PRORP: variants seen among roughly 807,000 people sequenced by gnomAD.
PRORP encodes mitochondrial ribonuclease P catalytic subunit.
Under a neutral mutation model 59.4 loss-of-function variants are expected in PRORP, and 51 were observed. The ratio of observed to expected loss-of-function variants is 0.86; its 90% CI spans 0.69 to 1.08. The LOEUF is 1.08. PRORP is among the 50% of genes least tolerant of loss of function. The pLI, the probability that PRORP is intolerant of heterozygous loss-of-function variation, is 0.00. For synonymous variants in PRORP, 231 were observed against 245.6 expected (o/e 0.94, Z 0.55); for missense variants, 646 against 690.3 (o/e 0.94, Z 0.72).
At chr14:35,124,411 G>T in intron 2 of PRORP, 180 bp downstream of exon 2, 1 of 382,902 alleles carries the variant, frequency 2.6e-6, no homozygotes, top group Non-Finnish European at 4.6e-6. Flanking sequence ...AAAACCACAG[G>T]CATGTGCCAC....
chr14:35,158,858 G>A (rs1202383148), intron 4 of PRORP: 1 of 306,148 alleles, frequency 3.3e-6, no homozygotes, highest in Non-Finnish European at 6.4e-6. Context: ...GGATATTCTG[G>A]AGAATGCAAA....
chr14:35,124,871 CT>C lies in PRORP; in HGVS notation c.986+654del, dbSNP rs576855221. On this transcript the variant is annotated intron_variant, in intron 2 of 7. Transcript: ENST00000534898. ...TATATTTATTCTGTCTACTCTCTCC[CT>C]TTTTTTTTTTTTTGAGACGGAGTTT... is the stretch of plus-strand genomic sequence containing the variant. 4.4e-3 allele frequency among the ~76,000 whole-genome samples: 606 copies of C among 139,204 alleles called. 2 individuals are homozygous for C. The highest frequency in any genetic ancestry group is 0.016 in the South Asian group (70 of 4,308). 91.3% of individuals were successfully genotyped at this position (139,204 alleles called of 152,430 possible). A position where few individuals can be genotyped will look rare whatever the true frequency, so the allele number is the denominator to read the frequency against.
At chr14:35,232,606 C>T (rs552269802) in intron 5 of PRORP, among the ~76,000 whole-genome samples, 1 of 152,118 alleles carries the variant, frequency 6.6e-6, no homozygotes, top group South Asian at 2.1e-4. Flanking sequence ...TTTGCTTGGC[C>T]CATAGTAAGT....
At chr14:35,193,244 T>C (rs1208216946) in intron 5 of PRORP, among the ~76,000 whole-genome samples, 2 of 152,184 alleles carry the variant, frequency 1.3e-5, no homozygotes, top group South Asian at 4.1e-4. Context: ...AACTGAGAAT[T>C]GGTTAAAATG....
At chr14:35,155,539 T>C (rs1282337254) in intron 4 of PRORP, among the ~76,000 whole-genome samples, 1 of 122,402 alleles carries the variant, frequency 8.2e-6, no homozygotes. Flanking sequence ...CTGGGCAACA[T>C]AGCGAGACCT....
At chr14:35,145,973 C>A (rs996136576) in intron 4 of PRORP, among the ~76,000 whole-genome samples, 2 of 151,564 alleles carry the variant, frequency 1.3e-5, no homozygotes, top group Admixed American at 1.3e-4. Flanking sequence ...GGATTACAGG[C>A]GCCTGCCACC....
chr14:35,274,069 T>A lies in PRORP; in HGVS notation c.*503T>A, dbSNP rs2051264111. On this transcript the variant is annotated 3_prime_UTR_variant, in exon 8 of 8. Transcript: ENST00000534898. Reference sequence around the variant, plus strand: ...ATAAACTGGCCAAGATACTAAAGGCTTACTATTCATAGCAGTTTTTAATTA... The same window carrying A: ...ATAAACTGGCCAAGATACTAAAGGCATACTATTCATAGCAGTTTTTAATTA... The A allele has an allele frequency of 6.6e-6, 1 of 152,270 alleles. No individual in the cohort carries two copies. 9.4% of individuals were successfully genotyped at this position (152,270 alleles called of 1,614,324 possible).
At chr14:35,257,310 T>C (rs2050786322) in intron 5 of PRORP, among the ~76,000 whole-genome samples, 1 of 152,226 alleles carries the variant, frequency 6.6e-6, no homozygotes, top group Admixed American at 6.5e-5. Context: ...TCCAGACTTT[T>C]CTCATCTTCC....
intron 5 of PRORP, among the ~76,000 whole-genome samples, chr14:35,221,471 G>A (rs1292327431): frequency 6.6e-6 from 1 of 151,400 alleles, no homozygotes; most frequent in Non-Finnish European, 1.5e-5. Context: ...TTTTTTTTTG[G>A]CATTAGTTTT....
intron 5 of PRORP, among the ~76,000 whole-genome samples, chr14:35,234,819 C>G (rs529494027): frequency 6.6e-6 from 1 of 151,800 alleles, no homozygotes; most frequent in South Asian, 2.1e-4. Flanking sequence ...GCTGAGACTG[C>G]AAGCACACAC....
intron 5 of PRORP, among the ~76,000 whole-genome samples, chr14:35,203,128 C>G (rs999228245): frequency 1.3e-5 from 2 of 152,080 alleles, no homozygotes; most frequent in East Asian, 3.8e-4. Flanking sequence ...AAAGAACTTA[C>G]CCTTTCTGTG....
chr14:35,174,220 C>CT (rs5807817), intron 4 of PRORP, among the ~76,000 whole-genome samples: 87,548 of 151,550 alleles, frequency 0.58, 25,432 homozygotes, highest in East Asian at 0.69. Flanking sequence ...ACTACCAAAC[C>CT]TTCAAATGTC....
chr14:35,177,180 C>G (rs1323724323), intron 4 of PRORP, among the ~76,000 whole-genome samples: 2 of 132,620 alleles, frequency 1.5e-5, no homozygotes, highest in South Asian at 2.5e-4. Flanking sequence ...CGATGTTCAT[C>G]TGGGATATTG....
chr14:35,152,932 T>C (rs2047811806), intron 4 of PRORP, among the ~76,000 whole-genome samples: 1 of 143,960 alleles, frequency 6.9e-6, no homozygotes, highest in Non-Finnish European at 1.5e-5. Context: ...GAGGGGCTCC[T>C]CGCATCCCAG....
intron 4 of PRORP, among the ~76,000 whole-genome samples, chr14:35,131,597 C>T (rs376991377): frequency 1.5e-4 from 21 of 137,902 alleles, no homozygotes; most frequent in East Asian, 6.8e-4. Flanking sequence ...GGTGCTATTT[C>T]GGCTCACTGC....
intron 5 of PRORP, among the ~76,000 whole-genome samples, chr14:35,186,273 A>G (rs1053327951): frequency 6.6e-6 from 1 of 151,242 alleles, no homozygotes; most frequent in African/African-American, 2.4e-5. Context: ...ATAAACCACC[A>G]TGCCGCCTAG....
At chr14:35,200,285 C>G (rs1037084179) in intron 5 of PRORP, among the ~76,000 whole-genome samples, 2 of 152,056 alleles carry the variant, frequency 1.3e-5, no homozygotes, top group African/African-American at 2.4e-5. Context: ...CTCCACCTCC[C>G]GGGTTCAAGC....
At chr14:35,158,557 A>G in intron 4 of PRORP, 1 of 249,748 alleles carries the variant, frequency 4.0e-6, no homozygotes, top group Non-Finnish European at 8.5e-6. Flanking sequence ...TTTTAAAGTT[A>G]TTATCTGGTT....
chr14:35,270,555 G>A lies in PRORP; in HGVS notation c.1579G>A (p.Ala527Thr). 2 of 1,614,150 alleles carry A rather than the reference G, an allele frequency of 1.2e-6. No homozygotes were observed. Among genetic ancestry groups the A allele is most frequent in the East Asian group, 2.2e-5 (1 of 44,882 alleles). The change falls in exon 7 of 8, where the codon GCA (alanine) becomes ACA (threonine). Residue 527 changes from alanine to threonine, a missense_variant. By Grantham distance (58) the Ala-to-Thr change is moderately conservative (BLOSUM62 0). Transcript: ENST00000534898. The part of the protein sequence containing the change: ...FFKWQQGHQL[A>T]IVNRFPGSKL... ...TAAGTGGCAGCAGGGACATCAGCTG[G>A]CAATTGTAAATAGGTTTCCAGGATC...
Sources: allele counts gnomAD v4.1 joint callset (sites outside exome capture counted in the v4.1 genomes callset), GRCh38; gene constraint gnomAD v4.1.1; transcripts MANE v1.5; gene names NCBI Gene and HGNC (gene_info 2026-07-23, HGNC 2026-07-21).